Variants in MAML3 observed in about 807,000 individuals in gnomAD.
The protein encoded by MAML3 is mastermind-like protein 3.
In MAML3, 27 loss-of-function variants were observed where a neutral mutation model predicts 101.9. The ratio of observed to expected loss-of-function variants is 0.27; its 90% confidence interval spans 0.20 to 0.37. The LOEUF (loss-of-function observed/expected upper bound fraction) is 0.37, where lower values mean the gene tolerates loss of function less well. Ranked by LOEUF, MAML3 falls within the 10% of genes least tolerant of loss-of-function variation. The pLI is 1.00. For missense variants in MAML3, 1,316 were observed against 1,444.9 expected (o/e 0.91, Z 1.45); for synonymous variants, 501 against 555.9 (o/e 0.90, Z 1.39).
chr4:140,094,686 A>G (rs1728122987), intron 1 of MAML3, among the ~76,000 whole-genome samples: 1 of 152,136 alleles, frequency 6.6e-6, no homozygotes. Flanking sequence ...ACCCACACAA[A>G]AGTAACTTTC....
At chr4:139,957,533 A>C (rs1733935938) in intron 1 of MAML3, among the ~76,000 whole-genome samples, 1 of 152,220 alleles carries the variant, frequency 6.6e-6, no homozygotes, top group Non-Finnish European at 1.5e-5. Context: ...ATACAGGATA[A>C]TGCCTGTTGG....
At chr4:139,979,914 G>T (rs956686911) in intron 1 of MAML3, among the ~76,000 whole-genome samples, 1 of 152,180 alleles carries the variant, frequency 6.6e-6, no homozygotes, top group Non-Finnish European at 1.5e-5. Context: ...TGGTTCTCTG[G>T]AACAACTGCC....
At chr4:140,126,840 G>A (rs1728692703) in intron 1 of MAML3, among the ~76,000 whole-genome samples, 1 of 152,070 alleles carries the variant, frequency 6.6e-6, no homozygotes, top group South Asian at 2.1e-4. Context: ...CCAGAAAACT[G>A]GAAGTCATCC....
intron 1 of MAML3, among the ~76,000 whole-genome samples, chr4:139,998,890 T>A (rs1223762737): frequency 6.6e-6 from 1 of 152,218 alleles, no homozygotes; most frequent in Non-Finnish European, 1.5e-5. Flanking sequence ...TACCCCTGTT[T>A]CTGCATGGCT....
chr4:140,104,401 A>AT (rs1214335831), intron 1 of MAML3, among the ~76,000 whole-genome samples: 1 of 79,606 alleles, frequency 1.3e-5, no homozygotes, highest in East Asian at 2.7e-4. Context: ...TATATTATAT[A>AT]ATATATAATA....
Position 139,730,643 on chromosome 4 carries a change from G to C in MAML3, c.2104C>G (p.Arg702Gly), listed in dbSNP as rs1728667335. 1 of 1,612,818 alleles carries C rather than the reference G, an allele frequency of 6.2e-7. No homozygotes were observed. The highest frequency in any genetic ancestry group is 8.5e-7 in the Non-Finnish European group (1 of 1,179,410). The change falls in exon 3 of 5, where the codon CGA (arginine) becomes GGA (glycine). Residue 702 changes from arginine (R) to glycine (G), a missense_variant. Coordinates refer to ENST00000509479, the MANE Select transcript of MAML3 (RefSeq NM_018717.5). Reference protein sequence around the residue: ...GQEQHPVGLPRTTGPMQSSVP... With the variant: ...GQEQHPVGLPGTTGPMQSSVP... ...GAGGACTGCATGGGGCCTGTGGTTC[G>C]GGGAAGTCCAACTGGATGCTGCTCC... is the stretch of plus-strand genomic sequence containing the variant.
At chr4:139,792,754 T>C (rs1197271711) in intron 2 of MAML3, among the ~76,000 whole-genome samples, 2 of 151,472 alleles carry the variant, frequency 1.3e-5, no homozygotes, top group African/African-American at 4.8e-5. Flanking sequence ...CTTTCTTTTT[T>C]TTTTTTTTGA....
chr4:139,985,377 A>G (rs143820568), intron 1 of MAML3, among the ~76,000 whole-genome samples: 6 of 152,354 alleles, frequency 3.9e-5, no homozygotes, highest in African/African-American at 1.4e-4. Context: ...AGGAATGCTC[A>G]AATCTTAAAG....
chr4:140,137,090 G>A (rs1196001091), intron 1 of MAML3, among the ~76,000 whole-genome samples: 2 of 152,228 alleles, frequency 1.3e-5, no homozygotes, highest in Admixed American at 1.3e-4. Flanking sequence ...CCGGGTTCAC[G>A]CCATTCTCCT....
chr4:139,947,370 C>T (rs1733749802), intron 1 of MAML3, among the ~76,000 whole-genome samples: 2 of 152,210 alleles, frequency 1.3e-5, no homozygotes. Flanking sequence ...ACAGGCTGCC[C>T]TGATCGCCTC....
intron 1 of MAML3, among the ~76,000 whole-genome samples, chr4:139,905,622 A>T (rs1173663428): frequency 6.6e-6 from 1 of 152,130 alleles, no homozygotes; most frequent in Non-Finnish European, 1.5e-5. Context: ...CAAACAACAT[A>T]CATTAATTTT....
At chr4:139,934,160 A>G (rs969327825) in intron 1 of MAML3, among the ~76,000 whole-genome samples, 1 of 151,462 alleles carries the variant, frequency 6.6e-6, no homozygotes, top group Non-Finnish European at 1.5e-5. Flanking sequence ...GTGTTTATGA[A>G]TATTTGTGAG....
intron 1 of MAML3, among the ~76,000 whole-genome samples, chr4:139,965,825 C>T (rs1258613639): frequency 6.6e-6 from 1 of 152,108 alleles, no homozygotes; most frequent in African/African-American, 2.4e-5. Flanking sequence ...AACCCCTGGG[C>T]TCAAGGGATC....
chr4:140,018,630 C>T (rs1186967720), intron 1 of MAML3, among the ~76,000 whole-genome samples: 1 of 152,066 alleles, frequency 6.6e-6, no homozygotes, highest in Non-Finnish European at 1.5e-5. Flanking sequence ...TTAATTCATC[C>T]ACAAGAATTT....
intron 1 of MAML3, among the ~76,000 whole-genome samples, chr4:140,130,688 A>G (rs1292354637): frequency 6.6e-6 from 1 of 152,234 alleles, no homozygotes; most frequent in Non-Finnish European, 1.5e-5. Flanking sequence ...TAACCAGAAG[A>G]AAAGCTTACA....
chr4:139,721,863 T>C (rs1476785815), intron 4 of MAML3, among the ~76,000 whole-genome samples: 3 of 152,230 alleles, frequency 2.0e-5, no homozygotes, highest in African/African-American at 4.8e-5. Flanking sequence ...ACTTGTAATA[T>C]TGTCATGCAG....
chr4:140,111,193 C>A (rs1728433122), intron 1 of MAML3, among the ~76,000 whole-genome samples: 1 of 152,182 alleles, frequency 6.6e-6, no homozygotes, highest in Admixed American at 6.5e-5. Context: ...GCCTGATTAG[C>A]CAAAGGCCTC....
chr4:139,850,793 C>T (rs1281208895), intron 2 of MAML3, among the ~76,000 whole-genome samples: 1 of 151,932 alleles, frequency 6.6e-6, no homozygotes, highest in Non-Finnish European at 1.5e-5. Context: ...ATTTACACAC[C>T]TCAGCCTCCC....
chr4:140,074,245 G>GAAAGAAAGAAAGAAAA (rs1727728929), intron 1 of MAML3, among the ~76,000 whole-genome samples: 1 of 138,634 alleles, frequency 7.2e-6, no homozygotes, highest in East Asian at 2.0e-4. Context: ...AAGAAAGAAA[G>GAAAGAAAGAAAGAAAA]AAAGAAAGAA....
Sources: allele counts gnomAD v4.1 joint callset (sites outside exome capture counted in the v4.1 genomes callset), GRCh38; gene constraint gnomAD v4.1.1; transcripts MANE v1.5; gene names NCBI Gene and HGNC (gene_info 2026-07-23, HGNC 2026-07-21).